The following PRRX2 variants were observed in gnomAD, a reference collection of about 807,000 sequenced individuals.
PRRX2 encodes paired related homeobox 2, also known as paired mesoderm homeobox protein 2.
A neutral mutation model predicts 18.0 loss-of-function variants in PRRX2; 11 were observed. The ratio of observed to expected loss-of-function variants is 0.61; its 90% CI spans 0.39 to 1.01. The LOEUF is 1.01. Among genes scored for constraint, PRRX2 ranks in the 50% least tolerant of loss-of-function variants. The probability of loss-of-function intolerance (pLI) is 0.01; values close to 1 mark genes in which losing one functional copy is unlikely to be tolerated. For synonymous variants in PRRX2, 177 were observed against 154.8 expected (o/e 1.14, Z -1.06); for missense variants, 387 against 351.0 (o/e 1.10, Z -0.82).
chr9:129,708,021 C>T (rs1208437767), intron 1 of PRRX2, among the ~76,000 whole-genome samples: 1 of 152,126 alleles, frequency 6.6e-6, no homozygotes, highest in Non-Finnish European at 1.5e-5. Flanking sequence ...CTGGCCAGCA[C>T]TTGGTGTTAT....
At chr9:129,701,010 T>C (rs956297764) in intron 1 of PRRX2, among the ~76,000 whole-genome samples, 4 of 152,198 alleles carry the variant, frequency 2.6e-5, no homozygotes, top group African/African-American at 4.8e-5. Context: ...GAAGAACTTA[T>C]GTGAAGGATT....
chr9:129,684,412 G>C (rs1270392437), intron 1 of PRRX2, among the ~76,000 whole-genome samples: 1 of 120,310 alleles, frequency 8.3e-6, no homozygotes, highest in Non-Finnish European at 1.8e-5. Flanking sequence ...CACAGAGAGA[G>C]ACACACACAG....
chr9:129,719,351 A>T lies in PRRX2; in HGVS notation c.380A>T (p.His127Leu). 6.3e-7 allele frequency: 1 copy of T among 1,585,844 alleles called. No individual in the cohort carries two copies. The highest frequency in any genetic ancestry group is 8.6e-7 in the Non-Finnish European group (1 of 1,167,018). The part of the protein sequence containing the change: ...QALERVFERT[H>L]YPDAFVREEL... ...CTGGAGCGCGTGTTCGAGCGCACGC[A>T]CTACCCCGACGCCTTTGTGCGCGAG... Residue 127 changes from histidine to leucine, a missense_variant, in exon 2 of 4, where the codon CAC (histidine) becomes CTC (leucine). Physicochemically the swap from His to Leu is moderately conservative, Grantham distance 99 (BLOSUM62 -3). Coordinates refer to ENST00000372469, the MANE Select transcript of PRRX2 (RefSeq NM_016307.4).
intron 1 of PRRX2, among the ~76,000 whole-genome samples, chr9:129,701,093 G>A (rs1241583309): frequency 2.0e-5 from 3 of 152,252 alleles, no homozygotes; most frequent in Non-Finnish European, 2.9e-5. Flanking sequence ...GAGGAAAATC[G>A]CAAGAGACCT....
intron 1 of PRRX2, among the ~76,000 whole-genome samples, chr9:129,667,871 C>T (rs1832046818): frequency 6.6e-6 from 1 of 152,132 alleles, no homozygotes; most frequent in Non-Finnish European, 1.5e-5. Context: ...CCCAGCAGCT[C>T]CCTGGGGCTA....
At chr9:129,674,072 C>T (rs1384976079) in intron 1 of PRRX2, among the ~76,000 whole-genome samples, 3 of 152,140 alleles carry the variant, frequency 2.0e-5, no homozygotes, top group African/African-American at 7.2e-5. Flanking sequence ...CCGCTCTAGC[C>T]AGAACCCAGG....
At chr9:129,672,590 G>A (rs1832112714) in intron 1 of PRRX2, among the ~76,000 whole-genome samples, 1 of 151,858 alleles carries the variant, frequency 6.6e-6, no homozygotes, top group African/African-American at 2.4e-5. Context: ...GCCGTGAGGT[G>A]GCCCGGGGTT....
At chr9:129,673,645 C>T (rs1442173548) in intron 1 of PRRX2, among the ~76,000 whole-genome samples, 3 of 135,642 alleles carry the variant, frequency 2.2e-5, no homozygotes, top group Non-Finnish European at 3.2e-5. Flanking sequence ...GACCCATACC[C>T]CCCATGCCAC....
intron 2 of PRRX2, 24 bp from the exon 3 acceptor site, chr9:129,720,572 C>T (rs1352148346): frequency 6.3e-7 from 1 of 1,580,532 alleles, no homozygotes; most frequent in Non-Finnish European, 8.6e-7. Context: ...CCATGCTGCA[C>T]CCTGCTCACC....
chr9:129,668,803 G>GAAAGA (rs71385449), intron 1 of PRRX2, among the ~76,000 whole-genome samples: 91 of 141,870 alleles, frequency 6.4e-4, no homozygotes, highest in Non-Finnish European at 1.2e-3. Flanking sequence ...AAAAAAGAAA[G>GAAAGA]AAAGAAAAGA....
At chr9:129,689,224 A>G (rs1832330080) in intron 1 of PRRX2, among the ~76,000 whole-genome samples, 1 of 152,178 alleles carries the variant, frequency 6.6e-6, no homozygotes, top group South Asian at 2.1e-4. Context: ...TTCAGTAAGA[A>G]GCCTGCCTGC....
intron 1 of PRRX2, among the ~76,000 whole-genome samples, chr9:129,678,543 A>G (rs746647030): frequency 6.6e-5 from 10 of 152,176 alleles, no homozygotes; most frequent in Non-Finnish European, 1.5e-4. Context: ...AAGGGACCTC[A>G]AGAATGAGTG....
chr9:129,669,766 G>A lies in PRRX2; in HGVS notation c.259+3640G>A, dbSNP rs751671190. On this transcript the variant is annotated intron_variant, in intron 1 of 3. Transcript: ENST00000372469. ...TTGTGGTGGGGGTCCCCAGGGCTCA[G>A]CTCAGGGCCTGAGTTAAGAGACTGA... 3.1e-4 allele frequency among the ~76,000 whole-genome samples: 47 copies of A among 152,252 alleles called. No individual in the cohort carries two copies. The Middle Eastern group carries it at 0.01, about 33-fold the overall frequency.
At chr9:129,684,514 ACACACACACCCACACACACC>A (rs1202646086) in intron 1 of PRRX2, among the ~76,000 whole-genome samples, 3 of 39,688 alleles carry the variant, frequency 7.6e-5, no homozygotes, top group Non-Finnish European at 1.9e-4. Flanking sequence ...ACACACACAC[ACACACACACCCACACACACC>A]CCAACAGAAA....
At chr9:129,668,743 C>A (rs1243542428) in intron 1 of PRRX2, among the ~76,000 whole-genome samples, 3 of 134,500 alleles carry the variant, frequency 2.2e-5, no homozygotes, top group Non-Finnish European at 3.1e-5. Flanking sequence ...CACCACTGCA[C>A]ACTCCAGCCT....
intron 1 of PRRX2, among the ~76,000 whole-genome samples, chr9:129,716,454 CTTTTT>C (rs71497484): frequency 2.9e-5 from 4 of 137,168 alleles, no homozygotes; most frequent in African/African-American, 5.3e-5. Flanking sequence ...TGCTTTCTTT[CTTTTT>C]TTTTTTTTTT....
rs1832691261 is a variant in PRRX2 at position 129,715,381 on chromosome 9, C to G, written c.260-3850C>G. On this transcript the variant is annotated intron_variant, in intron 1 of 3. Transcript: ENST00000372469. This position sits in a 1 kb window ranked among gnomAD's most constrained non-coding sequence, Gnocchi z 4.0. ...GAGGCTGAGGCAGGAGAATTGAGGTCAGGAGTTTAAGACCAGTCTTGGCAA... is the reference window on the plus strand; with the variant it reads ...GAGGCTGAGGCAGGAGAATTGAGGTGAGGAGTTTAAGACCAGTCTTGGCAA... Among the ~76,000 whole-genome samples, 1 of 152,008 alleles carries G rather than the reference C, an allele frequency of 6.6e-6. No individual in the cohort carries two copies. The highest frequency in any genetic ancestry group is 2.1e-4 in the South Asian group (1 of 4,824).
At chr9:129,666,791 G>T (rs1780785660) in intron 1 of PRRX2, among the ~76,000 whole-genome samples, 1 of 152,208 alleles carries the variant, frequency 6.6e-6, no homozygotes, top group South Asian at 2.1e-4. Context: ...AAAAGCAAAG[G>T]CCCCAGCCCC....
Position 129,665,795 on chromosome 9 carries a change from G to A in PRRX2, c.-73G>A. ...GCGGGGCGGCCGGGGCTCTCGCTCC[G>A]ACCCGCGCCCGCGACCCTTCCTGGG... On this transcript the variant is annotated 5_prime_UTR_variant, in exon 1 of 4. Transcript: ENST00000372469. This position sits in a 1 kb window ranked among gnomAD's most constrained non-coding sequence, Gnocchi z 5.3. 2 of 991,050 alleles carry A rather than the reference G, an allele frequency of 2.0e-6. No individual in the cohort carries two copies. The highest frequency in any genetic ancestry group is 2.4e-6 in the Non-Finnish European group (2 of 829,602). The allele number at this position is 991,050 out of a possible 1,614,324, so 61.4% of individuals were successfully genotyped here. A position where few individuals can be genotyped will look rare whatever the true frequency, so the allele number is the denominator to read the frequency against.
Sources: gnomAD v4.1 joint callset for allele counts (sites outside exome capture counted in the v4.1 genomes callset) on GRCh38, gnomAD v4.1.1 for gene constraint, Gnocchi (gnomAD v3.1) non-coding constraint, MANE v1.5 for transcripts, NCBI Gene and HGNC (gene_info 2026-07-23, HGNC 2026-07-21) for gene names.